NEFM: variants seen among roughly 807,000 people sequenced by gnomAD.
The protein encoded by NEFM is neurofilament medium chain.
A neutral mutation model predicts 48.1 loss-of-function variants in NEFM; 16 were observed. The observed-to-expected ratio is 0.33, with a 90% CI of 0.23 to 0.51. The LOEUF (loss-of-function observed/expected upper bound fraction) is 0.51, where lower values mean the gene tolerates loss of function less well. NEFM is among the 20% of genes least tolerant of loss of function. The pLI is 0.98. For synonymous variants in NEFM, 465 were observed against 456.9 expected, an observed-to-expected ratio of 1.02 and a Z score of -0.23; for missense variants, 1,107 against 1,136.0, an observed-to-expected ratio of 0.97 and a Z score of 0.37.
At chr8:24,915,530 G>C (rs1802559812) in intron 1 of NEFM, 75 bp from the exon 2 acceptor site, 2 of 1,605,036 alleles carry the variant, frequency 1.2e-6, no homozygotes, top group Admixed American at 1.7e-5. Context: ...CAGGGGGAAG[G>C]GGTAGCAAGT....
At position 24,917,160 on chromosome 8, in the gene NEFM, G is replaced by A; in HGVS notation, c.1305G>A (p.Lys435=). The change falls in exon 3 of 3, where the codon AAG becomes AAA. Residue 435 remains lysine, a synonymous_variant. Coordinates refer to ENST00000221166, the MANE Select transcript of NEFM (RefSeq NM_005382.2). ...THRPPITISS[K]IQKPKVEAPK... Reference sequence around the variant, plus strand: ...GACCCCCAATCACAATATCCAGTAAGATTCAGAAACCCAAGGTGGAAGCTC... The same window carrying A: ...GACCCCCAATCACAATATCCAGTAAAATTCAGAAACCCAAGGTGGAAGCTC... 1 of 1,614,110 alleles carries A rather than the reference G, an allele frequency of 6.2e-7. No homozygotes were observed.
In NEFM at chr8:24,918,425, CG is replaced by C; in HGVS notation, c.2572del (p.Val858Ter). 3 of 1,613,942 alleles carry C rather than the reference CG, an allele frequency of 1.9e-6. No individual in the cohort carries two copies. Among genetic ancestry groups the C allele is most frequent in the Non-Finnish European group, 1.7e-6 (2 of 1,179,982 alleles). On this transcript the variant is annotated frameshift_variant, in exon 3 of 3. Transcript: ENST00000221166. LOFTEE classifies it high-confidence loss of function. The part of the protein sequence containing the change: ...KSEEKVVVTK[T>X]VEKITSEGGD... ...GAGGAGAAAGTGGTGGTGACCAAAA[CG>C]GTAGAAAAAATCACCAGTGAGGGGG... is the stretch of plus-strand genomic sequence containing the variant.
chr8:24,916,520 C>G (rs1053483244), intron 2 of NEFM, among the ~76,000 whole-genome samples: 11 of 152,274 alleles, frequency 7.2e-5, no homozygotes, highest in South Asian at 6.2e-4. Flanking sequence ...ACAGAGCTAT[C>G]TCTCTTTTCA....
At position 24,914,297 on chromosome 8, in the gene NEFM, G is replaced by A; in HGVS notation, c.504G>A (p.Lys168=). 1 of 1,613,326 alleles carries A rather than the reference G, an allele frequency of 6.2e-7. No homozygotes were observed. The highest frequency in any genetic ancestry group is 8.5e-7 in the Non-Finnish European group (1 of 1,179,806). ...CCCTGGAGATGGTGAACCACGAGAAGGCTCAGGTGCAGCTGGACTCGGACC... is the reference window on the plus strand; with the variant it reads ...CCCTGGAGATGGTGAACCACGAGAAAGCTCAGGTGCAGCTGGACTCGGACC... The part of the protein sequence containing the change: ...RATLEMVNHE[K]AQVQLDSDHL... Residue 168 remains lysine, a synonymous_variant, in exon 1 of 3, where the codon AAG becomes AAA. Coordinates refer to ENST00000221166, the MANE Select transcript of NEFM (RefSeq NM_005382.2).
Position 24,917,531 on chromosome 8 carries a change from G to A in NEFM, c.1676G>A (p.Ser559Asn), listed in dbSNP as rs1457349741. The A allele has an allele frequency of 6.4e-7, 1 of 1,558,740 alleles. No homozygotes were observed. Among genetic ancestry groups the A allele is most frequent in the Non-Finnish European group, 8.7e-7 (1 of 1,150,916 alleles). Reference protein sequence around the residue: ...EEGGSEKEGSSEKEEGEQEEG... With the variant: ...EEGGSEKEGSNEKEEGEQEEG... The stretch of plus-strand genomic sequence containing the variant: ...GGAGGATCCGAGAAGGAAGGCTCTA[G>A]TGAAAAAGAGGAAGGTGAGCAGGAA... The change falls in exon 3 of 3, where the codon AGT (serine) becomes AAT (asparagine). Residue 559 changes from serine to asparagine, a missense_variant. By Grantham distance (46) the Ser-to-Asn change is conservative (BLOSUM62 1). Transcript: ENST00000221166.
At chr8:24,914,962 C>T (rs1408140257) in intron 1 of NEFM, 89 bp downstream of exon 1, 2 of 1,443,394 alleles carry the variant, frequency 1.4e-6, no homozygotes, top group Non-Finnish European at 1.8e-6. Flanking sequence ...GCCCTCTCCG[C>T]CGCGCTCCCT....
At chr8:24,915,422 G>A in intron 1 of NEFM, 183 bp from the exon 2 acceptor site, 3 of 1,057,632 alleles carry the variant, frequency 2.8e-6, no homozygotes, top group Non-Finnish European at 4.0e-6. Context: ...ATGTTCATTT[G>A]AGAATCGCTT....
rs1802612012 is a variant in NEFM at position 24,918,263 on chromosome 8, A to G, written c.2408A>G (p.Asn803Ser). 2 of 1,591,718 alleles carry G rather than the reference A, an allele frequency of 1.3e-6. No individual in the cohort carries two copies. The highest frequency in any genetic ancestry group is 1.3e-5 in the African/African-American group (1 of 74,384). The stretch of plus-strand genomic sequence containing the variant: ...TCCAGGAAGGAAGACATAGCTGTCA[A>G]TGGGGAGGTAGAAGGAAAAGAGGAG... The part of the protein sequence containing the change: ...KGSRKEDIAV[N>S]GEVEGKEEVE... Residue 803 changes from asparagine (N) to serine (S), a missense_variant, in exon 3 of 3, where the codon AAT (asparagine) becomes AGT (serine). Coordinates refer to ENST00000221166, the MANE Select transcript of NEFM (RefSeq NM_005382.2).
chr8:24,914,913 A>G (rs979902271), intron 1 of NEFM, 40 bp downstream of exon 1: 72 of 1,543,178 alleles, frequency 4.7e-5, no homozygotes, highest in Non-Finnish European at 5.9e-5. Context: ...CGCCAGCGCC[A>G]GCGCCGCGCG....
At position 24,918,465 on chromosome 8, in the gene NEFM, C is replaced by T; in HGVS notation, c.2610C>T (p.Thr870=). The T allele has an allele frequency of 6.2e-7, 1 of 1,613,918 alleles. No homozygotes were observed. The highest frequency in any genetic ancestry group is 8.5e-7 in the Non-Finnish European group (1 of 1,179,932). The change falls in exon 3 of 3, where the codon ACC becomes ACT. Residue 870 remains threonine, a synonymous_variant. Transcript: ENST00000221166. ...KITSEGGDGA[T]KYITKSVTVT... ...CCAGTGAGGGGGGAGATGGTGCTAC[C>T]AAATACATCACTAAATCTGTAACCG... is the stretch of plus-strand genomic sequence containing the variant.
chr8:24,914,565 C>G lies in NEFM; in HGVS notation c.772C>G (p.Arg258Gly), dbSNP rs376872873. 15 of 1,614,020 alleles carry G rather than the reference C, an allele frequency of 9.3e-6. 1 individual carries two copies. The Admixed American group carries it at 2.5e-4, about 27-fold the overall frequency. Reference sequence around the variant, plus strand: ...CCAGGCATCGCACATCACGGTGGAGCGCAAAGACTACCTGAAGACAGACAT... The same window carrying G: ...CCAGGCATCGCACATCACGGTGGAGGGCAAAGACTACCTGAAGACAGACAT... ...QIQASHITVE[R>G]KDYLKTDIST... The change falls in exon 1 of 3, where the codon CGC (arginine) becomes GGC (glycine). Residue 258 changes from arginine to glycine, a missense_variant. By Grantham distance (125) the Arg-to-Gly change is moderately radical. Coordinates refer to ENST00000221166, the MANE Select transcript of NEFM (RefSeq NM_005382.2).
In NEFM at chr8:24,918,466, A is replaced by G; in HGVS notation, c.2611A>G (p.Lys871Glu). The stretch of plus-strand genomic sequence containing the variant: ...CAGTGAGGGGGGAGATGGTGCTACC[A>G]AATACATCACTAAATCTGTAACCGT... ...ITSEGGDGAT[K>E]YITKSVTVTQ... Residue 871 changes from lysine (K) to glutamate (E), a missense_variant, in exon 3 of 3, where the codon AAA (lysine) becomes GAA (glutamate). By Grantham distance (56) the Lys-to-Glu change is moderately conservative. Coordinates refer to ENST00000221166, the MANE Select transcript of NEFM (RefSeq NM_005382.2). 1 of 1,614,138 alleles carries G rather than the reference A, an allele frequency of 6.2e-7. No homozygotes were observed. Among genetic ancestry groups the G allele is most frequent in the Non-Finnish European group, 8.5e-7 (1 of 1,180,008 alleles).
Position 24,917,948 on chromosome 8 carries a change from A to G in NEFM, c.2093A>G (p.Lys698Arg). The G allele has an allele frequency of 6.2e-7, 1 of 1,614,122 alleles. No individual in the cohort carries two copies. Among genetic ancestry groups the G allele is most frequent in the Non-Finnish European group, 8.5e-7 (1 of 1,179,998 alleles). The stretch of plus-strand genomic sequence containing the variant: ...GCAAAGTCAAAAGCAGAAGTGGGGA[A>G]AGGTGAACAGAAAGAGGAAGAAGAA... Reference protein sequence around the residue: ...EEAKSKAEVGKGEQKEEEEKE... With the variant: ...EEAKSKAEVGRGEQKEEEEKE... The change falls in exon 3 of 3, where the codon AAA becomes AGA. Residue 698 changes from lysine to arginine, a missense_variant. Physicochemically the swap from Lys to Arg is conservative, Grantham distance 26. Coordinates refer to ENST00000221166, the MANE Select transcript of NEFM (RefSeq NM_005382.2).
In NEFM at chr8:24,918,866, T is replaced by C; in HGVS notation, c.*260T>C. ...GGGGGTCACTTAAGGGGGGATGTCTTGAGATGTATTATGCAAAGTACCAAC... is the reference window on the plus strand; with the variant it reads ...GGGGGTCACTTAAGGGGGGATGTCTCGAGATGTATTATGCAAAGTACCAAC... On this transcript the variant is annotated 3_prime_UTR_variant, in exon 3 of 3. Transcript: ENST00000221166. 1 of 502,302 alleles carries C rather than the reference T, an allele frequency of 2.0e-6. No individual in the cohort carries two copies. Among genetic ancestry groups the C allele is most frequent in the Non-Finnish European group, 3.6e-6 (1 of 277,736 alleles). 31.1% of individuals were successfully genotyped at this position (502,302 alleles called of 1,614,324 possible). A position where few individuals can be genotyped will look rare whatever the true frequency, so the allele number is the denominator to read the frequency against.
rs1318479241 is a variant in NEFM, at chr8:24,914,710, A to T, written c.917A>T (p.Asn306Ile). Reference sequence around the variant, plus strand: ...AAGCTCACCGAGGCGGCCGAGCAGAACAAGGAGGCCATCCGCTCCGCCAAG... The same window carrying T: ...AAGCTCACCGAGGCGGCCGAGCAGATCAAGGAGGCCATCCGCTCCGCCAAG... ...YAKLTEAAEQ[N>I]KEAIRSAKEE... The change falls in exon 1 of 3, where the codon AAC (asparagine) becomes ATC (isoleucine). Residue 306 changes from asparagine (N) to isoleucine (I), a missense_variant. Around this residue, in one of 3 missense-constraint regions of NEFM, gnomAD observed 917 missense variants for 916.4 expected, o/e 1.00. Coordinates refer to ENST00000221166, the MANE Select transcript of NEFM (RefSeq NM_005382.2). The T allele has an allele frequency of 6.2e-7, 1 of 1,614,058 alleles. No individual in the cohort carries two copies. Among genetic ancestry groups the T allele is most frequent in the South Asian group, 1.1e-5 (1 of 91,084 alleles).
Position 24,915,687 on chromosome 8 carries a change from T to G in NEFM, c.1163T>G (p.Leu388Arg), listed in dbSNP as rs762619609. The G allele has an allele frequency of 4.3e-6, 7 of 1,614,064 alleles. No homozygotes were observed. The Admixed American group carries it at 1.0e-4, about 23-fold the overall frequency. Residue 388 changes from leucine to arginine, a missense_variant, in exon 2 of 3, where the codon CTC becomes CGC. Transcript: ENST00000221166. ...ARHLREYQDL[L>R]NVKMALDIEI... ...CATTTGCGCGAATACCAGGACCTCC[T>G]CAACGTCAAGATGGCTCTGGATATA...
In NEFM at chr8:24,917,797, G is replaced by A. The variant is rs1802601900; in HGVS notation, c.1942G>A (p.Val648Met). The A allele has an allele frequency of 6.2e-7, 1 of 1,613,538 alleles. No homozygotes were observed. Among genetic ancestry groups the A allele is most frequent in the Non-Finnish European group, 8.5e-7 (1 of 1,179,784 alleles). The part of the protein sequence containing the change: ...KGKSPVPKSP[V>M]EEKGKSPVPK... ...CAAGTCTCCTGTGCCCAAGTCACCA[G>A]TGGAAGAGAAAGGCAAGTCTCCTGT... Residue 648 changes from valine to methionine, a missense_variant, in exon 3 of 3, where the codon GTG becomes ATG. Coordinates refer to ENST00000221166, the MANE Select transcript of NEFM (RefSeq NM_005382.2).
chr8:24,914,171 T>A lies in NEFM; in HGVS notation c.378T>A (p.Asn126Lys), dbSNP rs1314628230. 2.5e-6 allele frequency: 4 copies of A among 1,612,572 alleles called. No homozygotes were observed. The South Asian group carries it at 4.4e-5, about 18-fold the overall frequency. ...IEKVHYLEQQ[N>K]KEIEAEIQAL... ...AGGTGCACTACCTGGAGCAGCAGAA[T>A]AAGGAGATTGAGGCGGAGATCCAGG... Residue 126 changes from asparagine to lysine, a missense_variant, in exon 1 of 3, where the codon AAT (asparagine) becomes AAA (lysine). Asn to Lys is a moderately conservative substitution (Grantham distance 94). This residue lies in a region of NEFM where 186 missense variants were observed against 200.6 expected (regional missense o/e 0.93). Coordinates refer to ENST00000221166, the MANE Select transcript of NEFM (RefSeq NM_005382.2).
In NEFM at chr8:24,914,271, A is replaced by G; in HGVS notation, c.478A>G (p.Thr160Ala). 4 of 1,612,134 alleles carry G rather than the reference A, an allele frequency of 2.5e-6. No individual in the cohort carries two copies. Among genetic ancestry groups the G allele is most frequent in the Non-Finnish European group, 3.4e-6 (4 of 1,179,338 alleles). Residue 160 changes from threonine (T) to alanine (A), a missense_variant, in exon 1 of 3, where the codon ACC (threonine) becomes GCC (alanine). Transcript: ENST00000221166. ...YDQEIRELRATLEMVNHEKAQ... is the reference protein window; with the variant it reads ...YDQEIRELRAALEMVNHEKAQ... The stretch of plus-strand genomic sequence containing the variant: ...CCAGGAGATCCGCGAGCTGCGCGCC[A>G]CCCTGGAGATGGTGAACCACGAGAA...
Sources: allele counts gnomAD v4.1 joint callset (sites outside exome capture counted in the v4.1 genomes callset), GRCh38; gene constraint gnomAD v4.1.1; regional missense constraint gnomAD v4.1.1; transcripts MANE v1.5; gene names NCBI Gene and HGNC (gene_info 2026-07-23, HGNC 2026-07-21).